ANXA10: variants seen among roughly 807,000 people sequenced by gnomAD.
ANXA10 encodes the protein annexin 14.
Under a neutral mutation model 53.5 loss-of-function variants are expected in ANXA10, and 49 were observed. The observed-to-expected ratio is 0.92, with a 90% confidence interval of 0.73 to 1.16. The LOEUF (loss-of-function observed/expected upper bound fraction) is 1.16, where lower values mean the gene tolerates loss of function less well. Ranked by LOEUF, ANXA10 falls within the 50% of genes most tolerant of loss-of-function variation. The pLI, the probability that ANXA10 is intolerant of heterozygous loss-of-function variation, is 0.00. For missense variants in ANXA10, 393 were observed against 394.4 expected (o/e 1.00, Z 0.03); for synonymous variants, 131 against 128.9 (o/e 1.02, Z -0.11).
chr4:168,131,217 T>G (rs1175503729), intron 2 of ANXA10, among the ~76,000 whole-genome samples: 1 of 152,076 alleles, frequency 6.6e-6, no homozygotes, highest in Non-Finnish European at 1.5e-5. Flanking sequence ...TCTTGTCACT[T>G]CTTCTTAGTC....
At chr4:168,156,383 AATAT>A in intron 3 of ANXA10, among the ~76,000 whole-genome samples, 1 of 112,818 alleles carries the variant, frequency 8.9e-6, no homozygotes, top group Non-Finnish European at 1.7e-5. Context: ...TAATATAATT[AATAT>A]ATATTATATT....
chr4:168,113,878 T>C (rs1730848981), intron 1 of ANXA10, among the ~76,000 whole-genome samples: 1 of 152,256 alleles, frequency 6.6e-6, no homozygotes, highest in Admixed American at 6.5e-5. Flanking sequence ...TTGGTTGGAA[T>C]TACTCTTTAA....
intron 3 of ANXA10, among the ~76,000 whole-genome samples, chr4:168,160,759 G>T (rs868172412): frequency 6.6e-6 from 1 of 152,104 alleles, no homozygotes; most frequent in Admixed American, 6.5e-5. Context: ...CCTTCTGACT[G>T]GGGTGAAACA....
At chr4:168,178,136 G>T (rs905981289) in intron 8 of ANXA10, 153 bp downstream of exon 8, 1 of 646,036 alleles carries the variant, frequency 1.5e-6, no homozygotes, top group Non-Finnish European at 2.6e-6. Context: ...TATAAGATGT[G>T]CCTTATTTAA....
chr4:168,159,422 C>A lies in ANXA10; in HGVS notation c.196-3106C>A, dbSNP rs748751987. Among the ~76,000 whole-genome samples, 42 of 151,290 alleles carry A rather than the reference C, an allele frequency of 2.8e-4. 1 individual carries two copies. The highest frequency in any genetic ancestry group is 8.6e-4 in the Admixed American group (13 of 15,154). ...GGCCAGATAAGGTAAATTGAGAAAT[C>A]TTCTATCATCCACTAATTTCTTCAA... On this transcript the variant is annotated intron_variant, in intron 3 of 11. Coordinates refer to ENST00000359299, the MANE Select transcript of ANXA10 (RefSeq NM_007193.5).
chr4:168,178,350 T>C (rs1314571457), intron 8 of ANXA10: 1 of 199,734 alleles, frequency 5.0e-6, no homozygotes, highest in South Asian at 9.1e-5. Context: ...GCCATTAGTA[T>C]TGATGTCATG....
intron 3 of ANXA10, among the ~76,000 whole-genome samples, chr4:168,153,663 T>C (rs1272657581): frequency 6.6e-6 from 1 of 152,086 alleles, no homozygotes; most frequent in Non-Finnish European, 1.5e-5. Context: ...AAGACATATA[T>C]TGAATGCCTA....
At chr4:168,149,569 GT>G (rs1360022462) in intron 3 of ANXA10, among the ~76,000 whole-genome samples, 2 of 152,160 alleles carry the variant, frequency 1.3e-5, no homozygotes, top group Admixed American at 1.3e-4. Flanking sequence ...GATGGGTCTT[GT>G]TTTTTGTTTC....
intron 6 of ANXA10, 37 bp downstream of exon 6, chr4:168,165,363 C>G: frequency 9.5e-7 from 1 of 1,055,766 alleles, no homozygotes; most frequent in Non-Finnish European, 1.3e-6. Context: ...TTTGCACTAT[C>G]TAAGCAAATA....
chr4:168,142,135 G>A (rs888624221), intron 3 of ANXA10, among the ~76,000 whole-genome samples: 21 of 152,152 alleles, frequency 1.4e-4, no homozygotes, highest in Non-Finnish European at 2.6e-4. Flanking sequence ...ATATGTAAGC[G>A]GTGGGTGGTC....
intron 11 of ANXA10, among the ~76,000 whole-genome samples, chr4:168,185,382 CT>C (rs1732349256): frequency 6.6e-6 from 1 of 152,298 alleles, no homozygotes; most frequent in East Asian, 1.9e-4. Flanking sequence ...GAGCTGTCCT[CT>C]CATATTGTCA....
rs115792631 is a variant in ANXA10, at chr4:168,160,308, C to T, written c.196-2220C>T. On this transcript the variant is annotated intron_variant, in intron 3 of 11. Transcript: ENST00000359299. ...AGCTCCTACTTGTAAGTGAAACATA[C>T]AGTGTTTGATTTTCTGTTCTTGTGT... 2.9e-3 allele frequency among the ~76,000 whole-genome samples: 448 copies of T among 152,108 alleles called. 2 individuals are homozygous for T. Among genetic ancestry groups the T allele is most frequent in the African/African-American group, 0.01 (429 of 41,474 alleles).
intron 10 of ANXA10, 143 bp from the exon 11 acceptor site, chr4:168,184,416 C>G: frequency 1.1e-6 from 1 of 915,970 alleles, no homozygotes; most frequent in South Asian, 1.6e-5. Context: ...ATCTGAACCA[C>G]AGCCTGTGTG....
At chr4:168,163,122 A>T (rs1413771480) in intron 4 of ANXA10, among the ~76,000 whole-genome samples, 1 of 151,784 alleles carries the variant, frequency 6.6e-6, no homozygotes, top group Non-Finnish European at 1.5e-5. Context: ...TTCTTTACAG[A>T]AACATTTTTT....
chr4:168,169,053 G>A (rs1035716716), intron 6 of ANXA10, among the ~76,000 whole-genome samples: 4 of 152,034 alleles, frequency 2.6e-5, no homozygotes, highest in African/African-American at 9.7e-5. Flanking sequence ...AAGATAATTT[G>A]GTTTTTCATA....
intron 3 of ANXA10, among the ~76,000 whole-genome samples, chr4:168,153,752 C>A (rs911690888): frequency 1.3e-5 from 2 of 152,078 alleles, no homozygotes; most frequent in African/African-American, 4.8e-5. Flanking sequence ...GAGGCAGATG[C>A]TGTGATTATT....
intron 3 of ANXA10, among the ~76,000 whole-genome samples, chr4:168,146,115 G>C (rs770697626): frequency 6.6e-6 from 1 of 152,064 alleles, no homozygotes; most frequent in Non-Finnish European, 1.5e-5. Context: ...CACCATGTTG[G>C]CCAGGCTGGT....
chr4:168,165,201 C>G, intron 5 of ANXA10, 46 bp from the exon 6 acceptor site: 1 of 1,275,040 alleles, frequency 7.8e-7, no homozygotes, highest in Non-Finnish European at 1.1e-6. Context: ...CACACTGATA[C>G]ATAGTTCTAT....
At chr4:168,127,605 A>G (rs1731089093) in intron 1 of ANXA10, 1 of 179,008 alleles carries the variant, frequency 5.6e-6, no homozygotes, top group Non-Finnish European at 1.2e-5. Context: ...CCATTTTTTT[A>G]CTATTGGTTT....
Sources: allele counts gnomAD v4.1 joint callset (sites outside exome capture counted in the v4.1 genomes callset), GRCh38; gene constraint gnomAD v4.1.1; transcripts MANE v1.5; gene names NCBI Gene and HGNC (gene_info 2026-07-23, HGNC 2026-07-21).